The following NUDCD1 variants were observed in gnomAD, a reference collection of about 807,000 sequenced individuals.
NUDCD1 encodes the protein NudC domain containing 1.
In NUDCD1, 60 loss-of-function variants were observed where a neutral mutation model predicts 67.8. That is an observed-to-expected ratio of 0.88 (90% confidence interval 0.72 to 1.10). The LOEUF (loss-of-function observed/expected upper bound fraction) is 1.10. NUDCD1 is among the 50% of genes least tolerant of loss of function. The pLI, the probability that NUDCD1 is intolerant of heterozygous loss-of-function variation, is 0.00. For missense variants in NUDCD1, 643 were observed against 695.0 expected (o/e 0.93, Z 0.84); for synonymous variants, 244 against 230.8 (o/e 1.06, Z -0.52).
At position 109,271,004 on chromosome 8, in the gene NUDCD1, C is replaced by T. The variant is rs1814141303; in HGVS notation, c.1299+1G>A. The T allele has an allele frequency of 6.4e-7, 1 of 1,566,584 alleles. No homozygotes were observed. Among genetic ancestry groups the T allele is most frequent in the Non-Finnish European group, 8.7e-7 (1 of 1,152,370 alleles). ...TAGAAATATTAATATCAGTAACTTA[C>T]CACATGAGTAGTTTTTAATGTATTG... is the stretch of plus-strand genomic sequence containing the variant. On this transcript the variant is annotated splice_donor_variant, in intron 8 of 9. Transcript: ENST00000239690. LOFTEE classifies it high-confidence loss of function.
chr8:109,265,622 T>A (rs150629354), intron 8 of NUDCD1, among the ~76,000 whole-genome samples: 4 of 152,196 alleles, frequency 2.6e-5, no homozygotes, highest in Admixed American at 1.3e-4. Flanking sequence ...CAATTTTATA[T>A]CTTAAGCCAG....
In NUDCD1 at chr8:109,281,146, C is replaced by T. The variant is rs543121980; in HGVS notation, c.850G>A (p.Glu284Lys). Residue 284 changes from glutamate to lysine, a missense_variant, in exon 6 of 10, where the codon GAA becomes AAA. By Grantham distance (56) the Glu-to-Lys change is moderately conservative. Coordinates refer to ENST00000239690, the MANE Select transcript of NUDCD1 (RefSeq NM_032869.4). ...KEPLYYWQQT[E>K]DDLTVTIRLP... ...CGTATGGTTACTGTCAAATCATCTT[C>T]AGTCTGTTGCCAGTAATACAGAGGT... The T allele has an allele frequency of 5.0e-6, 8 of 1,612,678 alleles. No homozygotes were observed. The African/African-American group carries it at 5.3e-5, about 11-fold the overall frequency.
At chr8:109,272,174 TAAA>T (rs546949165) in intron 7 of NUDCD1, among the ~76,000 whole-genome samples, 1 of 152,040 alleles carries the variant, frequency 6.6e-6, no homozygotes, top group Non-Finnish European at 1.5e-5. Flanking sequence ...TAATCTCTTT[TAAA>T]AGAGAATTAC....
At chr8:109,321,721 T>A (rs1470072769) in intron 2 of NUDCD1, among the ~76,000 whole-genome samples, 2 of 152,194 alleles carry the variant, frequency 1.3e-5, no homozygotes, top group South Asian at 2.1e-4. Flanking sequence ...AAGAGCCAAC[T>A]ATATGCTCTT....
At chr8:109,321,492 A>ATGAT in intron 2 of NUDCD1, among the ~76,000 whole-genome samples, 1 of 152,124 alleles carries the variant, frequency 6.6e-6, no homozygotes, top group East Asian at 1.9e-4. Context: ...AAAAGAGGAA[A>ATGAT]TTAAATCGAG....
Position 109,322,387 on chromosome 8 carries a change from C to T in NUDCD1, c.195G>A (p.Leu65=), listed in dbSNP as rs749607061. 6.3e-7 allele frequency: 1 copy of T among 1,597,250 alleles called. No homozygotes were observed. The highest frequency in any genetic ancestry group is 2.2e-5 in the East Asian group (1 of 44,740). The change falls in exon 2 of 10, where the codon CTG becomes CTA. Residue 65 remains leucine (L), a synonymous_variant. Coordinates refer to ENST00000239690, the MANE Select transcript of NUDCD1 (RefSeq NM_032869.4). ...TGTCTTGATACCATGAATCACAGTGCAGGTAATTATACATTCCAAAAGCAT... is the reference window on the plus strand; with the variant it reads ...TGTCTTGATACCATGAATCACAGTGTAGGTAATTATACATTCCAAAAGCAT... ...HMHAFGMYNY[L]HCDSWYQDSV... is the part of the protein sequence containing the mutation.
intron 2 of NUDCD1, among the ~76,000 whole-genome samples, chr8:109,297,595 A>G (rs117224303): frequency 0.033 from 4,959 of 152,290 alleles, 103 homozygotes; most frequent in Middle Eastern, 0.11. Flanking sequence ...TGTTCAAGGC[A>G]TCATCTTAGA....
At chr8:109,328,873 G>A (rs1479372008) in intron 1 of NUDCD1, among the ~76,000 whole-genome samples, 1 of 152,072 alleles carries the variant, frequency 6.6e-6, no homozygotes, top group Non-Finnish European at 1.5e-5. Flanking sequence ...TACCACATAT[G>A]CAAAGAGGAA....
chr8:109,261,888 G>C (rs999450485), intron 8 of NUDCD1, among the ~76,000 whole-genome samples: 8 of 152,008 alleles, frequency 5.3e-5, no homozygotes, highest in African/African-American at 1.9e-4. Context: ...CTATGTACTA[G>C]TAAGGGCTAG....
At chr8:109,329,188 CAG>C (rs1211062087) in intron 1 of NUDCD1, among the ~76,000 whole-genome samples, 1 of 149,052 alleles carries the variant, frequency 6.7e-6, no homozygotes, top group Non-Finnish European at 1.5e-5. Context: ...GGCAATAAAA[CAG>C]AAAAAAGTAT....
chr8:109,323,876 A>G (rs1815599068), intron 1 of NUDCD1, among the ~76,000 whole-genome samples: 1 of 152,150 alleles, frequency 6.6e-6, no homozygotes, highest in South Asian at 2.1e-4. Flanking sequence ...TTGGATATCC[A>G]TAGCAGAAAA....
chr8:109,277,186 A>C (rs939861885), intron 6 of NUDCD1, among the ~76,000 whole-genome samples: 1 of 152,208 alleles, frequency 6.6e-6, no homozygotes, highest in African/African-American at 2.4e-5. Flanking sequence ...AGGTTAAGCA[A>C]CTTGCCAAGG....
intron 1 of NUDCD1, among the ~76,000 whole-genome samples, chr8:109,331,864 G>A (rs902066136): frequency 6.6e-6 from 1 of 152,172 alleles, no homozygotes; most frequent in Non-Finnish European, 1.5e-5. Context: ...AACACTGAAT[G>A]ACCGGAAATC....
At chr8:109,282,843 CA>C (rs61423717) in intron 5 of NUDCD1, among the ~76,000 whole-genome samples, 1,952 of 140,076 alleles carry the variant, frequency 0.014, 37 homozygotes, top group African/African-American at 0.044. Flanking sequence ...AAAAAAATTC[CA>C]AAAAAAAAAA....
rs181305630 is a variant in NUDCD1 at position 109,302,085 on chromosome 8, T to C, written c.274-5516A>G. Among the ~76,000 whole-genome samples the C allele has an allele frequency of 2.4e-4, 36 of 152,212 alleles. No individual in the cohort carries two copies. In the East Asian group the frequency reaches 6.6e-3, roughly 28 times the overall value. ...ACTATGGGCAACCTTCCACCCTCCA[T>C]TCCTCCTTTTTCTCCCTTAGCCTGT... On this transcript the variant is annotated intron_variant, in intron 2 of 9. Coordinates refer to ENST00000239690, the MANE Select transcript of NUDCD1 (RefSeq NM_032869.4).
At chr8:109,258,105 TTG>T (rs1183966555) in intron 8 of NUDCD1, among the ~76,000 whole-genome samples, 1 of 152,146 alleles carries the variant, frequency 6.6e-6, no homozygotes, top group Non-Finnish European at 1.5e-5. Context: ...AAAGATGACT[TTG>T]TGTTTCCCTC....
chr8:109,322,046 G>A (rs1277171884), intron 2 of NUDCD1, among the ~76,000 whole-genome samples: 2 of 152,108 alleles, frequency 1.3e-5, no homozygotes, highest in African/African-American at 4.8e-5. Context: ...GACATGAACA[G>A]TTACATCAGT....
intron 2 of NUDCD1, among the ~76,000 whole-genome samples, chr8:109,299,587 G>A (rs762058187): frequency 9.9e-5 from 15 of 152,128 alleles, no homozygotes; most frequent in Non-Finnish European, 2.2e-4. Flanking sequence ...CCCCACAGCA[G>A]CTGTGGCAAG....
chr8:109,243,727 T>C (rs1813428827), intron 9 of NUDCD1, among the ~76,000 whole-genome samples: 1 of 152,186 alleles, frequency 6.6e-6, no homozygotes, highest in African/African-American at 2.4e-5. Flanking sequence ...AAAATGTGTA[T>C]AGGATACCAT....
Sources: allele counts gnomAD v4.1 joint callset (sites outside exome capture counted in the v4.1 genomes callset), GRCh38; gene constraint gnomAD v4.1.1; transcripts MANE v1.5; gene names NCBI Gene and HGNC (gene_info 2026-07-23, HGNC 2026-07-21).